OR10J1: variants seen among roughly 807,000 people sequenced by gnomAD.
OR10J1 encodes the protein olfactory receptor family 10 subfamily J member 1.
For synonymous variants in OR10J1, 202 were observed against 143.8 expected (o/e 1.40, Z -2.89); for missense variants, 474 against 376.6 (o/e 1.26, Z -2.14).
the OR10J1 span, among the ~76,000 whole-genome samples, chr1:159,411,523 G>T: frequency 1.3e-5 from 2 of 151,638 alleles, no homozygotes; most frequent in Non-Finnish European, 3.0e-5. Context: ...ATTGCAACCC[G>T]TGCCTTTTTT....
At chr1:159,430,569 C>T in the OR10J1 span, among the ~76,000 whole-genome samples, 53,144 of 151,212 alleles carry the variant, frequency 0.35, 10,172 homozygotes, top group East Asian at 0.75. Context: ...GACCTTTCAA[C>T]AGGGATTGAA....
rs1257022214 is a variant in OR10J1, at chr1:159,439,729, C to T, written c.-63C>T. 2 of 1,596,504 alleles carry T rather than the reference C, an allele frequency of 1.3e-6. No homozygotes were observed. Among genetic ancestry groups the T allele is most frequent in the East Asian group, 2.2e-5 (1 of 44,648 alleles). On this transcript the variant is annotated 5_prime_UTR_variant, in exon 1 of 1. Coordinates refer to ENST00000423932, the MANE Select transcript of OR10J1 (RefSeq NM_012351.3). ...TTCAATCAATTTCAGAAATGTGCTT[C>T]TACTGCTTTACTGGGACTATGTGAC...
chr1:159,433,354 G>GC (rs1467912071), upstream of OR10J1, among the ~76,000 whole-genome samples: 1 of 152,164 alleles, frequency 6.6e-6, no homozygotes, highest in Non-Finnish European at 1.5e-5. Context: ...GGTTTACCAA[G>GC]CTTGATGAAA....
the OR10J1 span, among the ~76,000 whole-genome samples, chr1:159,424,353 C>T: frequency 8.0e-5 from 12 of 150,608 alleles, no homozygotes; most frequent in East Asian, 1.7e-3. Flanking sequence ...GATTTAAATG[C>T]ATGTAAATAT....
chr1:159,414,647 G>A, the OR10J1 span, among the ~76,000 whole-genome samples: 7 of 151,970 alleles, frequency 4.6e-5, no homozygotes, highest in Non-Finnish European at 1.0e-4. Flanking sequence ...TCTATTTTTA[G>A]CTTTTGAGAA....
the OR10J1 span, among the ~76,000 whole-genome samples, chr1:159,404,449 G>A: frequency 6.6e-6 from 1 of 152,026 alleles, no homozygotes; most frequent in Non-Finnish European, 1.5e-5. Context: ...TGCAGTGCGC[G>A]ACAGTGCCAC....
At chr1:159,435,438 T>C (rs1655709099), upstream of OR10J1, among the ~76,000 whole-genome samples, 1 of 152,226 alleles carries the variant, frequency 6.6e-6, no homozygotes, top group African/African-American at 2.4e-5. Flanking sequence ...CAATTACTAA[T>C]TCATAGTTCT....
rs1232947280 is a variant in OR10J1 at position 159,439,727 on chromosome 1, T to G, written c.-65T>G. 1.4e-5 allele frequency: 23 copies of G among 1,594,864 alleles called. No individual in the cohort carries two copies. The highest frequency in any genetic ancestry group is 1.9e-5 in the Non-Finnish European group (22 of 1,167,404). ...ACTTCAATCAATTTCAGAAATGTGC[T>G]TCTACTGCTTTACTGGGACTATGTG... is the stretch of plus-strand genomic sequence containing the variant. On this transcript the variant is annotated 5_prime_UTR_variant, in exon 1 of 1. Transcript: ENST00000423932.
chr1:159,406,457 G>A, the OR10J1 span: 21 of 283,942 alleles, frequency 7.4e-5, no homozygotes, highest in Non-Finnish European at 7.0e-6. Flanking sequence ...TGTCTGAGCA[G>A]CATCAGTTTT....
the OR10J1 span, among the ~76,000 whole-genome samples, chr1:159,401,821 A>G: frequency 6.6e-6 from 1 of 152,120 alleles, no homozygotes; most frequent in Non-Finnish European, 1.5e-5. Context: ...AATATTTTTT[A>G]TGAATATTGA....
At chr1:159,424,887 T>G in the OR10J1 span, among the ~76,000 whole-genome samples, 251 of 151,564 alleles carry the variant, frequency 1.7e-3, no homozygotes, top group African/African-American at 5.7e-3. Flanking sequence ...AGAAAGAAAA[T>G]AAGAAAGGAA....
chr1:159,398,674 A>G, the OR10J1 span, among the ~76,000 whole-genome samples: 1 of 152,230 alleles, frequency 6.6e-6, no homozygotes, highest in Admixed American at 6.5e-5. Flanking sequence ...AGAGAGAATT[A>G]GTGAGCTTGA....
the OR10J1 span, among the ~76,000 whole-genome samples, chr1:159,412,326 G>A: frequency 2.0e-4 from 29 of 144,748 alleles, no homozygotes; most frequent in East Asian, 3.1e-3. Flanking sequence ...TCACAGAATT[G>A]GAAAAAACTA....
rs1351763492 is a variant in OR10J1 at position 159,439,936 on chromosome 1, A to G, written c.145A>G (p.Ile49Val). ...LAGNIIIVTI[I>V]RMDLHLHTPM... ...AGGCAATATCATCATTGTGACCATC[A>G]TCCGAATGGATCTTCATCTTCACAC... is the stretch of plus-strand genomic sequence containing the variant. The change falls in exon 1 of 1, where the codon ATC becomes GTC. Residue 49 changes from isoleucine to valine, a missense_variant. Transcript: ENST00000423932. 1.2e-6 allele frequency: 2 copies of G among 1,614,130 alleles called. No homozygotes were observed. Among genetic ancestry groups the G allele is most frequent in the Admixed American group, 3.3e-5 (2 of 60,008 alleles).
chr1:159,413,107 A>T, the OR10J1 span, among the ~76,000 whole-genome samples: 3 of 152,250 alleles, frequency 2.0e-5, no homozygotes, highest in Non-Finnish European at 4.4e-5. Flanking sequence ...ATCACTGGCC[A>T]TCAGAGAAAT....
upstream of OR10J1, among the ~76,000 whole-genome samples, chr1:159,437,271 G>A (rs1279076547): frequency 6.6e-6 from 1 of 152,148 alleles, no homozygotes; most frequent in Non-Finnish European, 1.5e-5. Flanking sequence ...AATCCTGAAT[G>A]CCACAGGGCA....
At chr1:159,424,654 C>T in the OR10J1 span, among the ~76,000 whole-genome samples, 1 of 151,530 alleles carries the variant, frequency 6.6e-6, no homozygotes, top group Non-Finnish European at 1.5e-5. Flanking sequence ...GATACATTAA[C>T]AAATTGGAAG....
the OR10J1 span, among the ~76,000 whole-genome samples, chr1:159,425,532 T>A: frequency 6.6e-6 from 1 of 152,076 alleles, no homozygotes; most frequent in African/African-American, 2.4e-5. Context: ...ATGGAGAGTT[T>A]GAGAATTGAT....
At chr1:159,408,246 A>G in the OR10J1 span, among the ~76,000 whole-genome samples, 2 of 152,084 alleles carry the variant, frequency 1.3e-5, no homozygotes, top group Non-Finnish European at 2.9e-5. Flanking sequence ...CTGGATTAAG[A>G]AAATGTGGCA....
Sources: allele counts gnomAD v4.1 joint callset (sites outside exome capture counted in the v4.1 genomes callset), GRCh38; gene constraint gnomAD v4.1.1; transcripts MANE v1.5; gene names NCBI Gene and HGNC (gene_info 2026-07-23, HGNC 2026-07-21).